SUGCT: variants seen among roughly 807,000 people sequenced by gnomAD.
The protein encoded by SUGCT is succinyl-CoA:glutarate CoA-transferase.
SUGCT carries 41 observed loss-of-function variants against 55.0 expected under a neutral mutation model. The ratio of observed to expected loss-of-function variants is 0.74; its 90% CI spans 0.58 to 0.97. SUGCT has a LOEUF of 0.97. SUGCT is among the 50% of genes least tolerant of loss of function. The pLI, the probability that SUGCT is intolerant of heterozygous loss-of-function variation, is 0.00. For missense variants in SUGCT, 568 were observed against 547.8 expected, an observed-to-expected ratio of 1.04 and a Z score of -0.37; for synonymous variants, 187 against 200.4, an observed-to-expected ratio of 0.93 and a Z score of 0.56.
At chr7:40,156,580 G>A (rs1420396706) in intron 1 of SUGCT, among the ~76,000 whole-genome samples, 1 of 152,120 alleles carries the variant, frequency 6.6e-6, no homozygotes, top group Non-Finnish European at 1.5e-5. Flanking sequence ...TGCTCACTCT[G>A]TACTCCTATT....
At chr7:40,819,994 A>T (rs1202405417) in intron 13 of SUGCT, among the ~76,000 whole-genome samples, 1 of 152,160 alleles carries the variant, frequency 6.6e-6, no homozygotes, top group African/African-American at 2.4e-5. Context: ...CAGTTTTCCC[A>T]GCACCATTTA....
At chr7:40,378,451 C>G (rs1422193526) in intron 9 of SUGCT, among the ~76,000 whole-genome samples, 1 of 152,316 alleles carries the variant, frequency 6.6e-6, no homozygotes, top group South Asian at 2.1e-4. Flanking sequence ...TCCAGATACT[C>G]TGTTCAGTGA....
chr7:40,667,308 C>G (rs1801697635), intron 12 of SUGCT, among the ~76,000 whole-genome samples: 1 of 152,088 alleles, frequency 6.6e-6, no homozygotes, highest in African/African-American at 2.4e-5. Context: ...CCTACCTGAT[C>G]ATGGTGTATT....
chr7:40,528,501 T>A (rs1583903973), intron 12 of SUGCT, among the ~76,000 whole-genome samples: 1 of 152,200 alleles, frequency 6.6e-6, no homozygotes, highest in Non-Finnish European at 1.5e-5. Flanking sequence ...GAAAATTCTG[T>A]TTTAGACCAG....
chr7:40,275,136 T>C (rs1227956127), intron 8 of SUGCT, among the ~76,000 whole-genome samples: 1 of 152,180 alleles, frequency 6.6e-6, no homozygotes, highest in Non-Finnish European at 1.5e-5. Flanking sequence ...ACACGGACCA[T>C]GAAGATTTTG....
intron 8 of SUGCT, among the ~76,000 whole-genome samples, chr7:40,275,543 C>T (rs2151002904): frequency 6.6e-6 from 1 of 152,146 alleles, no homozygotes; most frequent in Admixed American, 6.5e-5. Context: ...TTCATGGTAT[C>T]TGTAGTAATT....
At chr7:40,460,679 ATTATG>A (rs1441572841) in intron 11 of SUGCT, among the ~76,000 whole-genome samples, 1 of 152,154 alleles carries the variant, frequency 6.6e-6, no homozygotes, top group African/African-American at 2.4e-5. Context: ...TCCTTGCTAA[ATTATG>A]TTATAGAGTT....
chr7:40,195,834 C>A (rs1319758810), intron 6 of SUGCT, among the ~76,000 whole-genome samples: 1 of 150,848 alleles, frequency 6.6e-6, no homozygotes, highest in African/African-American at 2.4e-5. Context: ...CTGCCTCAGC[C>A]TCCTGAGTGT....
intron 9 of SUGCT, among the ~76,000 whole-genome samples, chr7:40,360,077 G>T (rs1394759539): frequency 6.6e-6 from 1 of 152,082 alleles, no homozygotes; most frequent in Non-Finnish European, 1.5e-5. Flanking sequence ...GCAGTGGCAC[G>T]ATCTCGGCTC....
chr7:40,761,677 T>C (rs1318672298), intron 13 of SUGCT, among the ~76,000 whole-genome samples: 1 of 152,224 alleles, frequency 6.6e-6, no homozygotes, highest in Non-Finnish European at 1.5e-5. Flanking sequence ...CAGAGCCCTT[T>C]TTCCCTCAGA....
chr7:40,605,800 A>G (rs1190856016), intron 12 of SUGCT, among the ~76,000 whole-genome samples: 1 of 152,208 alleles, frequency 6.6e-6, no homozygotes, highest in Non-Finnish European at 1.5e-5. Context: ...TTTGAAAGAT[A>G]CTTGTATGTT....
chr7:41,014,300 T>A, the SUGCT span, among the ~76,000 whole-genome samples: 1 of 152,194 alleles, frequency 6.6e-6, no homozygotes, highest in African/African-American at 2.4e-5. Flanking sequence ...TGATTCAGTA[T>A]GACAATCATT....
chr7:40,343,549 T>TG (rs1797158036), intron 9 of SUGCT, among the ~76,000 whole-genome samples: 1 of 151,904 alleles, frequency 6.6e-6, no homozygotes, highest in South Asian at 2.1e-4. Context: ...AAGAACAGAA[T>TG]CCTTTGGCCG....
intron 12 of SUGCT, among the ~76,000 whole-genome samples, chr7:40,583,884 G>A (rs1294670741): frequency 6.6e-6 from 1 of 152,172 alleles, no homozygotes; most frequent in Admixed American, 6.6e-5. Context: ...TTAGTCTCTC[G>A]ATACATGCTG....
chr7:40,459,544 C>T (rs904874099), intron 11 of SUGCT, among the ~76,000 whole-genome samples: 21 of 152,168 alleles, frequency 1.4e-4, no homozygotes, highest in Non-Finnish European at 2.2e-4. Context: ...AACATTATTT[C>T]ATACTTTCAC....
chr7:40,663,016 TTAG>T (rs1301322606), intron 12 of SUGCT, among the ~76,000 whole-genome samples: 2 of 152,204 alleles, frequency 1.3e-5, no homozygotes, highest in East Asian at 3.8e-4. Flanking sequence ...GTGACAGTCA[TTAG>T]TATAGCAGCA....
chr7:40,176,069 T>C (rs2150692630), intron 1 of SUGCT, among the ~76,000 whole-genome samples: 1 of 152,146 alleles, frequency 6.6e-6, no homozygotes, highest in East Asian at 1.9e-4. Context: ...CCGTCTCTAC[T>C]AAAAGTACAA....
rs564176617 is a variant in SUGCT at position 40,561,769 on chromosome 7, G to A, written c.1089+65383G>A. On this transcript the variant is annotated intron_variant, in intron 12 of 13. Coordinates refer to ENST00000335693, the MANE Select transcript of SUGCT (RefSeq NM_001193313.2). ...TGCAGTGGTATGATCCCAGCTCACTGCAACCTCTGCTTCCCAGGTTCAAGC... is the reference window on the plus strand; with the variant it reads ...TGCAGTGGTATGATCCCAGCTCACTACAACCTCTGCTTCCCAGGTTCAAGC... Among the ~76,000 whole-genome samples, 6 of 142,496 alleles carry A rather than the reference G, an allele frequency of 4.2e-5. 1 individual carries two copies. Among genetic ancestry groups the A allele is most frequent in the African/African-American group, 1.3e-4 (5 of 37,960 alleles). The allele number at this position is 142,496 out of a possible 152,430, so 93.5% of individuals were successfully genotyped here.
At chr7:40,426,191 A>G (rs1276274317) in intron 9 of SUGCT, among the ~76,000 whole-genome samples, 2 of 152,158 alleles carry the variant, frequency 1.3e-5, no homozygotes, top group Admixed American at 1.3e-4. Context: ...ACAATTTAGG[A>G]TAACATTTTA....
Sources: allele counts gnomAD v4.1 joint callset (sites outside exome capture counted in the v4.1 genomes callset), GRCh38; gene constraint gnomAD v4.1.1; transcripts MANE v1.5; gene names NCBI Gene and HGNC (gene_info 2026-07-23, HGNC 2026-07-21).